Variants in PPP2R2A observed in about 807,000 individuals in gnomAD.
PPP2R2A encodes the protein protein phosphatase 2 regulatory subunit Balpha.
A neutral mutation model predicts 53.2 loss-of-function variants in PPP2R2A; 9 were observed. The observed-to-expected ratio is 0.17, with a 90% CI of 0.10 to 0.30. The LOEUF (loss-of-function observed/expected upper bound fraction) is 0.30. Ranked by LOEUF, PPP2R2A falls within the 10% of genes least tolerant of loss-of-function variation. PPP2R2A has a pLI of 1.00. For missense variants in PPP2R2A, 235 were observed against 534.6 expected (o/e 0.44, Z 5.53); for synonymous variants, 169 against 174.2 (o/e 0.97, Z 0.23).
chr8:26,346,349 C>G (rs1273877564), intron 3 of PPP2R2A, among the ~76,000 whole-genome samples: 1 of 152,034 alleles, frequency 6.6e-6, no homozygotes, highest in Non-Finnish European at 1.5e-5. Flanking sequence ...CCATGCTGAC[C>G]GGGCTGGTCT....
At chr8:26,313,736 A>G (rs1299552607) in intron 2 of PPP2R2A, among the ~76,000 whole-genome samples, 1 of 152,218 alleles carries the variant, frequency 6.6e-6, no homozygotes, top group East Asian at 1.9e-4. Context: ...TTGCAAGGAA[A>G]GGGTCACAAG....
chr8:26,364,873 A>G (rs1398307265), intron 8 of PPP2R2A, among the ~76,000 whole-genome samples: 1 of 152,196 alleles, frequency 6.6e-6, no homozygotes, highest in East Asian at 1.9e-4. Context: ...CCTCAAATAT[A>G]TGGAGGGCCA....
chr8:26,360,065 T>C lies in PPP2R2A; in HGVS notation c.347-104T>C. ...AGTTCAGATTAGGGTTTTTTTTTTTTTCGTGGAATCCTTTTACGTGAAATG... is the reference window on the plus strand; with the variant it reads ...AGTTCAGATTAGGGTTTTTTTTTTTCTCGTGGAATCCTTTTACGTGAAATG... On this transcript the variant is annotated intron_variant, in intron 4 of 9. Transcript: ENST00000380737. This position sits in a 1 kb window ranked among gnomAD's most constrained non-coding sequence, Gnocchi z 4.5. The C allele has an allele frequency of 1.6e-6, 1 of 606,486 alleles. No individual in the cohort carries two copies. Among genetic ancestry groups the C allele is most frequent in the Non-Finnish European group, 2.8e-6 (1 of 360,638 alleles). The allele number at this position is 606,486 out of a possible 1,614,324, so 37.6% of individuals were successfully genotyped here.
At chr8:26,305,778 A>G (rs1339949965) in intron 2 of PPP2R2A, among the ~76,000 whole-genome samples, 2 of 152,116 alleles carry the variant, frequency 1.3e-5, no homozygotes, top group African/African-American at 4.8e-5. Flanking sequence ...CTGAGTAGTA[A>G]ATTACTTTCC....
intron 3 of PPP2R2A, among the ~76,000 whole-genome samples, chr8:26,348,455 A>G (rs1326383842): frequency 6.6e-6 from 1 of 152,206 alleles, no homozygotes; most frequent in East Asian, 1.9e-4. Context: ...CATGCACAAA[A>G]TTAATTAAAA....
chr8:26,316,298 A>G (rs6994906), intron 2 of PPP2R2A, among the ~76,000 whole-genome samples: 146,521 of 152,270 alleles, frequency 0.96, 70,536 homozygotes, highest in East Asian at 1. Context: ...CTGAACCACC[A>G]TGCCCAGCTT....
chr8:26,322,456 C>T (rs1383345727), intron 2 of PPP2R2A, among the ~76,000 whole-genome samples: 1 of 152,012 alleles, frequency 6.6e-6, no homozygotes, highest in African/African-American at 2.4e-5. Context: ...AGAGTGTCTT[C>T]CAGAGAACTC....
chr8:26,332,797 A>C (rs1161765156), intron 2 of PPP2R2A, among the ~76,000 whole-genome samples: 1 of 152,234 alleles, frequency 6.6e-6, no homozygotes, highest in African/African-American at 2.4e-5. Context: ...ATATTTTACT[A>C]AACACAGACA....
intron 3 of PPP2R2A, 101 bp downstream of exon 3, chr8:26,339,088 G>A: frequency 1.1e-6 from 1 of 892,002 alleles, no homozygotes; most frequent in East Asian, 2.5e-5. Context: ...AATTTTAAAA[G>A]AAGTGTGTGT....
intron 2 of PPP2R2A, among the ~76,000 whole-genome samples, chr8:26,320,839 A>G (rs182869982): frequency 4.4e-4 from 67 of 152,244 alleles, no homozygotes; most frequent in African/African-American, 1.5e-3. Flanking sequence ...GTTTTATCCA[A>G]CAATAGAATT....
intron 3 of PPP2R2A, among the ~76,000 whole-genome samples, chr8:26,350,995 A>G (rs1445284213): frequency 6.7e-6 from 1 of 149,836 alleles, no homozygotes; most frequent in Admixed American, 6.6e-5. Context: ...TTTTTAAAAA[A>G]CAAAACAAAA....
At chr8:26,368,202 C>T (rs757854016) in intron 9 of PPP2R2A, among the ~76,000 whole-genome samples, 11 of 152,154 alleles carry the variant, frequency 7.2e-5, no homozygotes, top group Admixed American at 1.3e-4. Context: ...TTCAGGGGCA[C>T]GCATTACCTT....
intron 4 of PPP2R2A, among the ~76,000 whole-genome samples, chr8:26,357,400 G>T (rs554997053): frequency 1.3e-5 from 2 of 150,390 alleles, no homozygotes; most frequent in Admixed American, 1.3e-4. Flanking sequence ...AAAAATATTT[G>T]CATTGGCTTT....
chr8:26,340,461 T>A (rs543036223), intron 3 of PPP2R2A, among the ~76,000 whole-genome samples: 2 of 152,060 alleles, frequency 1.3e-5, no homozygotes, highest in South Asian at 4.1e-4. Flanking sequence ...AGTTATTGAC[T>A]CTCTACACTT....
rs533750147 is a variant in PPP2R2A, at chr8:26,345,089, C to T, written c.180+6102C>T. On this transcript the variant is annotated intron_variant, in intron 3 of 9. Transcript: ENST00000380737. ...ACATGAGGCCAGGTGTGAAATTTTCCACTTGTGTCATGTTGACAGTAAAAA... is the reference window on the plus strand; with the variant it reads ...ACATGAGGCCAGGTGTGAAATTTTCTACTTGTGTCATGTTGACAGTAAAAA... 4.6e-5 allele frequency among the ~76,000 whole-genome samples: 7 copies of T among 152,178 alleles called. No individual in the cohort carries two copies. In the East Asian group the frequency reaches 5.8e-4, roughly 13 times the overall value.
intron 3 of PPP2R2A, among the ~76,000 whole-genome samples, chr8:26,344,361 A>T (rs1182970703): frequency 5.3e-5 from 8 of 152,250 alleles, no homozygotes; most frequent in Admixed American, 1.3e-4. Context: ...TTGGATGAGT[A>T]TTCACAATGC....
chr8:26,370,568 A>G lies in PPP2R2A; in HGVS notation c.*155A>G, dbSNP rs1349321663. The G allele has an allele frequency of 2.4e-6, 2 of 844,958 alleles. No individual in the cohort carries two copies. The highest frequency in any genetic ancestry group is 3.6e-6 in the Non-Finnish European group (2 of 555,380). 52.3% of individuals were successfully genotyped at this position (844,958 alleles called of 1,614,324 possible). On this transcript the variant is annotated 3_prime_UTR_variant, in exon 10 of 10. Coordinates refer to ENST00000380737, the MANE Select transcript of PPP2R2A (RefSeq NM_002717.4). The surrounding 1 kb of genome is among the most constrained non-coding windows in gnomAD (Gnocchi z 6.1). ...AACACATTGTTATAGCTACATGGAG[A>G]AAGCTCTGTGGATTCATCACTGTGG...
intron 2 of PPP2R2A, among the ~76,000 whole-genome samples, chr8:26,329,554 A>G (rs1342689464): frequency 2.0e-5 from 3 of 152,128 alleles, no homozygotes; most frequent in Non-Finnish European, 4.4e-5. Flanking sequence ...ATTCCACCAG[A>G]CTTTGGGGAC....
chr8:26,316,178 T>C (rs1802544267), intron 2 of PPP2R2A, among the ~76,000 whole-genome samples: 1 of 152,034 alleles, frequency 6.6e-6, no homozygotes, highest in African/African-American at 2.4e-5. Context: ...CTAATTTCTT[T>C]TGTATTTCTA....
Sources: allele counts gnomAD v4.1 joint callset (sites outside exome capture counted in the v4.1 genomes callset), GRCh38; gene constraint gnomAD v4.1.1; non-coding constraint Gnocchi (gnomAD v3.1); transcripts MANE v1.5; gene names NCBI Gene and HGNC (gene_info 2026-07-23, HGNC 2026-07-21).